CBR4: variants seen among roughly 807,000 people sequenced by gnomAD.
CBR4 encodes the protein 3-oxoacyl-[acyl-carrier-protein] reductase.
A neutral mutation model predicts 21.0 loss-of-function variants in CBR4; 22 were observed. The ratio of observed to expected loss-of-function variants is 1.05; its 90% confidence interval spans 0.75 to 1.50. CBR4 has a LOEUF of 1.50. Among genes scored for constraint, CBR4 ranks in the 40% most tolerant of loss-of-function variants. The pLI is 0.00. For synonymous variants in CBR4, 100 were observed against 104.4 expected (o/e 0.96, Z 0.26); for missense variants, 302 against 286.3 (o/e 1.05, Z -0.40).
At chr4:168,931,929 T>C (rs28546563) in intron 2 of CBR4, among the ~76,000 whole-genome samples, 2,617 of 148,844 alleles carry the variant, frequency 0.018, 61 homozygotes, top group African/African-American at 0.045. Flanking sequence ...TATAAGATCC[T>C]CCAATACAAA....
At chr4:168,978,571 T>A (rs1337799011) in intron 2 of CBR4, among the ~76,000 whole-genome samples, 1 of 152,226 alleles carries the variant, frequency 6.6e-6, no homozygotes, top group Non-Finnish European at 1.5e-5. Context: ...ACCATGTTTC[T>A]GCCATGAACC....
chr4:168,904,737 C>G (rs1345152199), intron 2 of CBR4, among the ~76,000 whole-genome samples: 2 of 152,102 alleles, frequency 1.3e-5, no homozygotes, highest in Non-Finnish European at 2.9e-5. Flanking sequence ...TTTAGAATCT[C>G]TGATCTACTT....
At chr4:168,979,137 C>T (rs560563232) in intron 2 of CBR4, among the ~76,000 whole-genome samples, 1 of 152,090 alleles carries the variant, frequency 6.6e-6, no homozygotes, top group East Asian at 1.9e-4. Context: ...GCAGGGCCTT[C>T]AGACTTGCCC....
chr4:168,924,125 A>G (rs1445123439), intron 2 of CBR4: 3 of 760,902 alleles, frequency 3.9e-6, no homozygotes, highest in South Asian at 3.2e-5. Context: ...GGGGACTAGC[A>G]TCTTACCACC....
At chr4:168,999,063 A>G (rs2126840077) in intron 4 of CBR4, among the ~76,000 whole-genome samples, 1 of 152,270 alleles carries the variant, frequency 6.6e-6, no homozygotes, top group South Asian at 2.1e-4. Context: ...AATATTCAAT[A>G]TCTTCCAATC....
intron 4 of CBR4, among the ~76,000 whole-genome samples, chr4:168,992,200 C>G (rs1169218146): frequency 1.3e-5 from 2 of 152,170 alleles, no homozygotes; most frequent in Non-Finnish European, 2.9e-5. Context: ...AGCTGAATGT[C>G]TTTCAATAAG....
rs373126829 is a variant in CBR4, at chr4:168,904,725, T to G, written n.170-9960A>C. ...TGAGCAGTTTTCTCTAGAAGTCATC[T>G]TTTTAGAATCTCTGATCTACTTATA... On this transcript the variant is annotated intron_variant and non_coding_transcript_variant, in intron 2 of 3. Transcript: ENST00000509108. Among the ~76,000 whole-genome samples the G allele has an allele frequency of 3.9e-5, 6 of 152,306 alleles. No homozygotes were observed. In the East Asian group the frequency reaches 1.2e-3, roughly 29 times the overall value.
intron 3 of CBR4, among the ~76,000 whole-genome samples, chr4:169,002,416 TCTGAAAGCAG>T (rs1305426187): frequency 6.6e-6 from 1 of 152,196 alleles, no homozygotes; most frequent in Non-Finnish European, 1.5e-5. Context: ...GAAAATAGCA[TCTGAAAGCAG>T]CTGATACAAA....
At chr4:168,941,988 G>A (rs1464425520) in intron 2 of CBR4, among the ~76,000 whole-genome samples, 2 of 152,110 alleles carry the variant, frequency 1.3e-5, no homozygotes, top group East Asian at 3.8e-4. Context: ...CAACCCAAAT[G>A]CCCATAAATG....
intron 4 of CBR4, 88 bp downstream of exon 4, chr4:169,001,983 C>T: frequency 8.4e-7 from 1 of 1,191,340 alleles, no homozygotes; most frequent in Non-Finnish European, 1.1e-6. Flanking sequence ...ACTATTCTAC[C>T]CAGATGTCAA....
intron 3 of CBR4, among the ~76,000 whole-genome samples, chr4:169,002,433 C>T (rs11730894): frequency 0.69 from 104,726 of 152,114 alleles, 37,727 homozygotes; most frequent in East Asian, 0.96. Context: ...GCAGCTGATA[C>T]AAAACTGCCA....
At chr4:168,983,175 T>C (rs547574335), downstream of CBR4, among the ~76,000 whole-genome samples, 1 of 152,092 alleles carries the variant, frequency 6.6e-6, no homozygotes, top group Non-Finnish European at 1.5e-5. Context: ...CTAGCTATAC[T>C]AATTTTTTTA....
chr4:168,922,094 T>A, intron 2 of CBR4, among the ~76,000 whole-genome samples: 1 of 106,826 alleles, frequency 9.4e-6, no homozygotes, highest in East Asian at 2.8e-4. Context: ...TTTATATATA[T>A]ATATATATAC....
chr4:168,986,789 T>TA (rs1263151717), downstream of CBR4, among the ~76,000 whole-genome samples: 1 of 151,890 alleles, frequency 6.6e-6, no homozygotes. Flanking sequence ...CAAAAAAATA[T>TA]AAAAAATTAG....
intron 2 of CBR4, among the ~76,000 whole-genome samples, chr4:168,961,404 A>C (rs1763849219): frequency 6.6e-6 from 1 of 152,224 alleles, no homozygotes; most frequent in Admixed American, 6.5e-5. Context: ...GAATTTCTAG[A>C]CAGTTTAGAG....
At chr4:168,980,732 T>C (rs1268434745) in intron 2 of CBR4, among the ~76,000 whole-genome samples, 2 of 152,032 alleles carry the variant, frequency 1.3e-5, no homozygotes, top group Non-Finnish European at 1.5e-5. Flanking sequence ...CAAGACTCTA[T>C]CTCAAAAAAA....
intron 2 of CBR4, chr4:168,894,829 T>C: frequency 7.9e-7 from 1 of 1,267,504 alleles, no homozygotes. Flanking sequence ...ACCTCACAGC[T>C]AATTTTTATT....
chr4:169,001,941 A>C (rs1327916708), intron 4 of CBR4, 130 bp downstream of exon 4: 1 of 943,042 alleles, frequency 1.1e-6, no homozygotes, highest in Admixed American at 3.8e-5. Context: ...CCCCCAGTTC[A>C]TTATTTGATT....
intron 2 of CBR4, among the ~76,000 whole-genome samples, chr4:168,917,531 C>G (rs181514868): frequency 0.014 from 2,075 of 152,170 alleles, 15 homozygotes; most frequent in Non-Finnish European, 0.021. Context: ...TTTTTGCCCC[C>G]TGTTTACTGA....
Sources: allele counts gnomAD v4.1 joint callset (sites outside exome capture counted in the v4.1 genomes callset), GRCh38; gene constraint gnomAD v4.1.1; transcripts MANE v1.5; gene names NCBI Gene and HGNC (gene_info 2026-07-23, HGNC 2026-07-21).